PRKCE: variants seen among roughly 807,000 people sequenced by gnomAD.
The protein encoded by PRKCE is protein kinase C epsilon type.
In PRKCE, 16 loss-of-function variants were observed where a neutral mutation model predicts 85.4. That is an observed-to-expected ratio of 0.19 (90% CI 0.13 to 0.28). The LOEUF is 0.28. Ranked by LOEUF, PRKCE falls within the 10% of genes least tolerant of loss-of-function variation. PRKCE has a pLI of 1.00. For synonymous variants in PRKCE, 388 were observed against 371.5 expected, an observed-to-expected ratio of 1.04 and a Z score of -0.51; for missense variants, 573 against 975.2, an observed-to-expected ratio of 0.59 and a Z score of 5.49.
chr2:45,768,019 C>A (rs1365114766), intron 1 of PRKCE, among the ~76,000 whole-genome samples: 1 of 152,328 alleles, frequency 6.6e-6, no homozygotes, highest in East Asian at 1.9e-4. Context: ...GGAGCTATTC[C>A]TTGGCATTGG....
intron 1 of PRKCE, among the ~76,000 whole-genome samples, chr2:45,668,742 A>G (rs2103812381): frequency 6.6e-6 from 1 of 152,270 alleles, no homozygotes; most frequent in East Asian, 1.9e-4. Context: ...GTAAAATGGG[A>G]ATAGTCACAT....
intron 2 of PRKCE, among the ~76,000 whole-genome samples, chr2:45,875,830 A>G (rs1694435435): frequency 6.6e-6 from 1 of 152,234 alleles, no homozygotes; most frequent in Non-Finnish European, 1.5e-5. Context: ...GACGTTTTAG[A>G]AAACAAATGA....
chr2:46,003,750 A>G (rs1704915778), intron 7 of PRKCE, among the ~76,000 whole-genome samples: 1 of 152,242 alleles, frequency 6.6e-6, no homozygotes, highest in Non-Finnish European at 1.5e-5. Context: ...AGCTTTGCTT[A>G]GAAAGGTCAA....
intron 2 of PRKCE, among the ~76,000 whole-genome samples, chr2:45,920,470 G>C (rs554643350): frequency 2.0e-5 from 3 of 152,176 alleles, no homozygotes; most frequent in Non-Finnish European, 4.4e-5. Context: ...TCATAGCAGT[G>C]TTATTCATAA....
chr2:45,976,119 C>G (rs928165526), intron 2 of PRKCE, among the ~76,000 whole-genome samples: 6 of 152,200 alleles, frequency 3.9e-5, no homozygotes, highest in Non-Finnish European at 8.8e-5. Flanking sequence ...GACCCCCAAG[C>G]CCTTGAAACC....
chr2:46,187,896 C>T lies in PRKCE; in HGVS notation c.*3015C>T, dbSNP rs1680557839. 6.7e-6 allele frequency: 1 copy of T among 149,352 alleles called. No individual in the cohort carries two copies. The highest frequency in any genetic ancestry group is 2.1e-4 in the South Asian group (1 of 4,744). 9.3% of individuals were successfully genotyped at this position (149,352 alleles called of 1,614,324 possible). A position where few individuals can be genotyped will look rare whatever the true frequency, so the allele number is the denominator to read the frequency against. Reference sequence around the variant, plus strand: ...CTCTTGCCATTCATTAGTGTTATTTCATTGTAAACGTTATTGTGCCAAATG... The same window carrying T: ...CTCTTGCCATTCATTAGTGTTATTTTATTGTAAACGTTATTGTGCCAAATG... On this transcript the variant is annotated 3_prime_UTR_variant, in exon 15 of 15. Coordinates refer to ENST00000306156, the MANE Select transcript of PRKCE (RefSeq NM_005400.3).
At chr2:45,837,068 C>A (rs1379278295) in intron 1 of PRKCE, among the ~76,000 whole-genome samples, 1 of 152,188 alleles carries the variant, frequency 6.6e-6, no homozygotes, top group Non-Finnish European at 1.5e-5. Flanking sequence ...AAGCCAATAA[C>A]CCCCAACATG....
chr2:45,782,759 A>ACACACACAAC (rs1451507861), intron 1 of PRKCE, among the ~76,000 whole-genome samples: 2 of 151,946 alleles, frequency 1.3e-5, no homozygotes, highest in African/African-American at 4.8e-5. Context: ...CTATATATAT[A>ACACACACAAC]TACACACACA....
chr2:46,163,708 C>T (rs1264488058), intron 14 of PRKCE, among the ~76,000 whole-genome samples: 1 of 145,142 alleles, frequency 6.9e-6, no homozygotes. Context: ...CTGAGGCACA[C>T]CCCAAAGAGG....
intron 10 of PRKCE, among the ~76,000 whole-genome samples, chr2:46,036,529 G>T (rs1169751709): frequency 1.3e-5 from 2 of 152,194 alleles, no homozygotes; most frequent in African/African-American, 4.8e-5. Context: ...GGTGGGGACT[G>T]CAGTGAGCCA....
intron 1 of PRKCE, among the ~76,000 whole-genome samples, chr2:45,817,525 C>G (rs1373720009): frequency 9.0e-6 from 1 of 111,192 alleles, no homozygotes; most frequent in Non-Finnish European, 2.0e-5. Flanking sequence ...AACCCCGTCT[C>G]TAATAAAAAT....
Position 45,902,684 on chromosome 2 carries a change from CT to C in PRKCE, c.412+59622del, listed in dbSNP as rs1471813029. 5.3e-5 allele frequency among the ~76,000 whole-genome samples: 8 copies of C among 152,228 alleles called. No homozygotes were observed. In the East Asian group the frequency reaches 1.5e-3, roughly 29 times the overall value. On this transcript the variant is annotated intron_variant, in intron 2 of 14. Transcript: ENST00000306156. ...TGACTACACTGGTCTGGGAGCTTGG[CT>C]AGGAAGACTTCTGAAGAACCCAGCC...
intron 11 of PRKCE, among the ~76,000 whole-genome samples, chr2:46,099,155 A>C (rs1202392743): frequency 6.6e-6 from 1 of 152,118 alleles, no homozygotes; most frequent in African/African-American, 2.4e-5. Flanking sequence ...GAAGCCTGCC[A>C]TGACTCCATT....
chr2:45,785,311 C>T (rs569404503), intron 1 of PRKCE, among the ~76,000 whole-genome samples: 12 of 152,042 alleles, frequency 7.9e-5, no homozygotes, highest in African/African-American at 2.7e-4. Context: ...GCCAACATGG[C>T]GAAACCCTGT....
At chr2:45,915,957 C>T (rs866871730) in intron 2 of PRKCE, among the ~76,000 whole-genome samples, 1 of 152,140 alleles carries the variant, frequency 6.6e-6, no homozygotes, top group Non-Finnish European at 1.5e-5. Context: ...ATCTACATCC[C>T]CTCAACACAG....
intron 2 of PRKCE, among the ~76,000 whole-genome samples, chr2:45,863,565 G>GTC (rs1224326363): frequency 1.3e-5 from 2 of 152,034 alleles, no homozygotes; most frequent in Non-Finnish European, 2.9e-5. Context: ...GCAAAGAGGA[G>GTC]TCACAGGCAG....
At chr2:46,053,574 G>A (rs1421800549) in intron 10 of PRKCE, among the ~76,000 whole-genome samples, 1 of 152,126 alleles carries the variant, frequency 6.6e-6, no homozygotes, top group Non-Finnish European at 1.5e-5. Context: ...ACCATTCTAG[G>A]TACCTCATGT....
At chr2:45,659,221 C>T (rs538807906) in intron 1 of PRKCE, among the ~76,000 whole-genome samples, 1 of 152,274 alleles carries the variant, frequency 6.6e-6, no homozygotes, top group East Asian at 1.9e-4. Context: ...AATCTAAGCC[C>T]TTCTTCCTCA....
intron 1 of PRKCE, among the ~76,000 whole-genome samples, chr2:45,771,448 C>T (rs1685320204): frequency 6.6e-6 from 1 of 152,256 alleles, no homozygotes; most frequent in South Asian, 2.1e-4. Flanking sequence ...AGATGGAGAA[C>T]CTGTCGGCCG....
Sources: gnomAD v4.1 joint callset for allele counts (sites outside exome capture counted in the v4.1 genomes callset) on GRCh38, gnomAD v4.1.1 for gene constraint, MANE v1.5 for transcripts, NCBI Gene and HGNC (gene_info 2026-07-23, HGNC 2026-07-21) for gene names.